ARL13B: variants seen among roughly 807,000 people sequenced by gnomAD.
ARL13B encodes the protein ARF like GTPase 13B, also known as ADP-ribosylation factor-like protein 13B.
ARL13B carries 36 observed loss-of-function variants against 56.1 expected under a neutral mutation model. The observed-to-expected ratio is 0.64, with a 90% CI of 0.49 to 0.85. ARL13B has a LOEUF of 0.85. Among genes scored for constraint, ARL13B ranks in the 40% least tolerant of loss-of-function variants. The pLI, the probability that ARL13B is intolerant of heterozygous loss-of-function variation, is 0.00. For missense variants in ARL13B, 519 were observed against 507.1 expected (o/e 1.02, Z -0.23); for synonymous variants, 178 against 171.1 (o/e 1.04, Z -0.32).
At chr3:94,007,655 C>T (rs990704351) in intron 3 of ARL13B, among the ~76,000 whole-genome samples, 1 of 152,082 alleles carries the variant, frequency 6.6e-6, no homozygotes, top group Admixed American at 6.6e-5. Context: ...ATGGGGGAAA[C>T]TGCCCCCATG....
intron 7 of ARL13B, among the ~76,000 whole-genome samples, chr3:94,045,969 A>AAAAAAG (rs1560013964): frequency 1.6e-4 from 19 of 118,172 alleles, no homozygotes; most frequent in Non-Finnish European, 2.6e-4. Context: ...AAAAAAAAAG[A>AAAAAAG]AAAAAAAAAG....
chr3:93,995,293 G>GTA (rs1220798854), intron 1 of ARL13B, among the ~76,000 whole-genome samples: 113 of 151,588 alleles, frequency 7.5e-4, no homozygotes, highest in African/African-American at 2.7e-3. Context: ...CTGGACTTAT[G>GTA]TTTCTTCAGT....
chr3:94,050,973 TTA>T (rs1361871293), intron 9 of ARL13B, 81 bp downstream of exon 9: 1 of 1,375,522 alleles, frequency 7.3e-7, no homozygotes, highest in African/African-American at 1.4e-5. Context: ...TTCAACAAAC[TTA>T]TGTTTTAGTT....
intron 2 of ARL13B, 123 bp downstream of exon 2, chr3:93,996,067 T>G (rs756108525): frequency 2.1e-5 from 21 of 978,904 alleles, no homozygotes; most frequent in Middle Eastern, 6.1e-4. Context: ...TTACTTTATA[T>G]TCTTAGTATA....
intron 3 of ARL13B, among the ~76,000 whole-genome samples, chr3:94,033,708 C>T (rs2076716130): frequency 6.6e-6 from 1 of 151,980 alleles, no homozygotes; most frequent in African/African-American, 2.4e-5. Flanking sequence ...AATGTAAATC[C>T]ATTAGTTAAT....
At chr3:94,049,371 T>A in intron 7 of ARL13B, 35 bp from the exon 8 acceptor site, 1 of 1,340,368 alleles carries the variant, frequency 7.5e-7, no homozygotes, top group Non-Finnish European at 1.1e-6. Context: ...CACTTTTTCA[T>A]AAAGACATGA....
chr3:94,039,933 A>T lies in ARL13B; in HGVS notation c.743A>T (p.Glu248Val), dbSNP rs746240116. The T allele has an allele frequency of 6.2e-7, 1 of 1,614,156 alleles. No individual in the cohort carries two copies. Among genetic ancestry groups the T allele is most frequent in the Admixed American group, 1.7e-5 (1 of 60,010 alleles). ...CTCGATGGAACCAGTGGTCTGGCTG[A>T]GTTGGACCCAGAACCAACGAATCCT... ...AELDGTSGLA[E>V]LDPEPTNPFQ... Residue 248 changes from glutamate (E) to valine (V), a missense_variant, in exon 6 of 10, where the codon GAG (glutamate) becomes GTG (valine). Transcript: ENST00000394222.
chr3:94,007,428 T>A (rs556907556), intron 3 of ARL13B, among the ~76,000 whole-genome samples: 1 of 152,192 alleles, frequency 6.6e-6, no homozygotes, highest in Non-Finnish European at 1.5e-5. Context: ...CATTCTGTTT[T>A]CATGGTGCTG....
chr3:93,993,283 G>A (rs1317714391), intron 1 of ARL13B, among the ~76,000 whole-genome samples: 1 of 151,772 alleles, frequency 6.6e-6, no homozygotes, highest in African/African-American at 2.4e-5. Flanking sequence ...GTGCCACCAT[G>A]CCCAGCTAAT....
At chr3:93,988,882 G>A (rs1021759315) in intron 1 of ARL13B, 7 of 363,264 alleles carry the variant, frequency 1.9e-5, no homozygotes, top group Non-Finnish European at 2.7e-5. Flanking sequence ...TGACAAGTGC[G>A]CAGATCTCCT....
intron 1 of ARL13B, 70 bp downstream of exon 1, chr3:93,980,552 G>A (rs1710161287): frequency 3.2e-6 from 5 of 1,582,858 alleles, no homozygotes; most frequent in Non-Finnish European, 4.3e-6. Context: ...GCGAGGCGCC[G>A]CCTTTTCCCC....
intron 7 of ARL13B, among the ~76,000 whole-genome samples, chr3:94,043,537 C>T (rs1311859333): frequency 3.9e-4 from 1 of 2,590 alleles, no homozygotes; most frequent in Non-Finnish European, 1.2e-3. Flanking sequence ...TGGAATAGCC[C>T]TCCCCCTCCT....
chr3:94,014,435 G>A (rs750814854), intron 3 of ARL13B: 1 of 1,591,624 alleles, frequency 6.3e-7, no homozygotes, highest in Admixed American at 1.8e-5. Flanking sequence ...ACTCTGCAAG[G>A]ATTTCTTTTT....
rs373238931 is a variant in ARL13B at position 94,036,575 on chromosome 3, G to A, written c.510G>A (p.Gly170=). Residue 170 remains glycine, a synonymous_variant, in exon 5 of 10, where the codon GGG becomes GGA. Coordinates refer to ENST00000394222, the MANE Select transcript of ARL13B (RefSeq NM_001174150.2). ...AGGAACCATGTTCAGCAATCTCGGGGTATGGAAAGAAAATTGACAAGTCCA... is the reference window on the plus strand; with the variant it reads ...AGGAACCATGTTCAGCAATCTCGGGATATGGAAAGAAAATTGACAAGTCCA... The part of the protein sequence containing the change: ...CQIEPCSAIS[G]YGKKIDKSIK... 1.6e-5 allele frequency: 26 copies of A among 1,613,836 alleles called. No individual in the cohort carries two copies. The highest frequency in any genetic ancestry group is 2.0e-5 in the Non-Finnish European group (24 of 1,180,006).
chr3:93,989,942 C>G (rs2075837898), intron 1 of ARL13B, among the ~76,000 whole-genome samples: 1 of 152,140 alleles, frequency 6.6e-6, no homozygotes, highest in South Asian at 2.1e-4. Context: ...CTTTCAACTT[C>G]TGGAAAGGTT....
intron 3 of ARL13B, among the ~76,000 whole-genome samples, chr3:94,024,047 T>G (rs1283455076): frequency 6.6e-6 from 1 of 152,230 alleles, no homozygotes; most frequent in African/African-American, 2.4e-5. Context: ...TTATATTTTC[T>G]TCTGCTTCAA....
chr3:94,029,344 T>A lies in ARL13B; in HGVS notation c.381-5987T>A, dbSNP rs1359026174. Among the ~76,000 whole-genome samples the A allele has an allele frequency of 1.9e-3, 190 of 102,524 alleles. 1 individual carries two copies. The highest frequency in any genetic ancestry group is 2.5e-3 in the Non-Finnish European group (134 of 53,878). 67.3% of individuals were successfully genotyped at this position (102,524 alleles called of 152,430 possible). The stretch of plus-strand genomic sequence containing the variant: ...TATATATATATATATATTTATTTTT[T>A]TTTTATTTTTTTTTTTTTTTGAGAA... On this transcript the variant is annotated intron_variant, in intron 3 of 9. Transcript: ENST00000394222.
chr3:93,990,425 C>T lies in ARL13B; in HGVS notation c.60-5449C>T, dbSNP rs144180856. On this transcript the variant is annotated intron_variant, in intron 1 of 9. Transcript: ENST00000394222. The stretch of plus-strand genomic sequence containing the variant: ...TATAGTGAAGTATCTTGGGAATGGC[C>T]TCCAAGCCTAAACACGAATTTCATT... Among the ~76,000 whole-genome samples, 249 of 152,028 alleles carry T rather than the reference C, an allele frequency of 1.6e-3. 2 individuals carry two copies. The highest frequency in any genetic ancestry group is 5.7e-3 in the African/African-American group (238 of 41,408).
intron 1 of ARL13B, among the ~76,000 whole-genome samples, chr3:93,995,578 T>G (rs992447520): frequency 6.6e-6 from 1 of 152,212 alleles, no homozygotes; most frequent in African/African-American, 2.4e-5. Context: ...TTAGATTGTC[T>G]CCCTACCTCC....
Sources: allele counts gnomAD v4.1 joint callset (sites outside exome capture counted in the v4.1 genomes callset), GRCh38; gene constraint gnomAD v4.1.1; transcripts MANE v1.5; gene names NCBI Gene and HGNC (gene_info 2026-07-23, HGNC 2026-07-21).